Variants in PTBP2 observed in about 807,000 individuals in gnomAD.
PTBP2 encodes the protein polypyrimidine tract-binding protein 2.
Under a neutral mutation model 61.4 loss-of-function variants are expected in PTBP2, and 13 were observed. The ratio of observed to expected loss-of-function variants is 0.21; its 90% confidence interval spans 0.14 to 0.34. The LOEUF is 0.34. Ranked by LOEUF, PTBP2 falls within the 10% of genes least tolerant of loss-of-function variation. PTBP2 has a pLI of 1.00. For synonymous variants in PTBP2, 215 were observed against 218.5 expected (o/e 0.98, Z 0.14); for missense variants, 405 against 642.6 (o/e 0.63, Z 4.00).
chr1:96,791,833 T>TTGTTTTTG (rs796100749), intron 8 of PTBP2, among the ~76,000 whole-genome samples: 8 of 131,478 alleles, frequency 6.1e-5, no homozygotes, highest in Admixed American at 3.8e-4. Flanking sequence ...GTGCTTTTTT[T>TTGTTTTTG]TTTTTTTTTT....
At chr1:96,810,245 C>A (rs115712961) in intron 11 of PTBP2, among the ~76,000 whole-genome samples, 2 of 152,016 alleles carry the variant, frequency 1.3e-5, no homozygotes, top group African/African-American at 4.8e-5. Context: ...TTGCCTTGTC[C>A]ATTTATGCCA....
chr1:96,800,524 G>C (rs1435509165), intron 8 of PTBP2, among the ~76,000 whole-genome samples: 1 of 151,640 alleles, frequency 6.6e-6, no homozygotes, highest in Non-Finnish European at 1.5e-5. Context: ...TGGAGGCCAG[G>C]AGTTTGAGAC....
chr1:96,793,441 C>T (rs1660057854), intron 8 of PTBP2, among the ~76,000 whole-genome samples: 1 of 152,052 alleles, frequency 6.6e-6, no homozygotes, highest in African/African-American at 2.4e-5. Flanking sequence ...GGGATCTCTG[C>T]TCACTGCAAG....
At position 96,813,797 on chromosome 1, in the gene PTBP2, A is replaced by G. The variant is rs1057048563; in HGVS notation, c.*392A>G. On this transcript the variant is annotated 3_prime_UTR_variant, in exon 14 of 14. Transcript: ENST00000674951. ...GGCACACTGTTATATGGGAATTAAA[A>G]TATGTTTAGGCAGGGGTGTGTAAAA... 5 of 154,954 alleles carry G rather than the reference A, an allele frequency of 3.2e-5. No homozygotes were observed. The highest frequency in any genetic ancestry group is 1.2e-4 in the African/African-American group (5 of 41,500). The allele number at this position is 154,954 out of a possible 1,614,324, so 9.6% of individuals were successfully genotyped here.
intron 7 of PTBP2, among the ~76,000 whole-genome samples, chr1:96,781,381 C>G (rs983102784): frequency 6.6e-6 from 1 of 151,968 alleles, no homozygotes; most frequent in African/African-American, 2.4e-5. Context: ...AGTCCACAGT[C>G]CTTATCATGG....
At position 96,769,661 on chromosome 1, in the gene PTBP2, TTTA is replaced by T. The variant is rs1329125261; in HGVS notation, c.116-39_116-37del. The T allele has an allele frequency of 3.0e-6, 4 of 1,335,610 alleles. No homozygotes were observed. In the African/African-American group the frequency reaches 4.5e-5, roughly 15 times the overall value. 82.7% of individuals were successfully genotyped at this position (1,335,610 alleles called of 1,614,324 possible). A position where few individuals can be genotyped will look rare whatever the true frequency, so the allele number is the denominator to read the frequency against. On this transcript the variant is annotated intron_variant, in intron 3 of 13. Transcript: ENST00000674951. The stretch of plus-strand genomic sequence containing the variant: ...ACAAATAGGAAAATTCATACATTCT[TTTA>T]TTGTTGATATATAAGGACTGTTTTT...
At chr1:96,760,669 T>C in intron 3 of PTBP2, among the ~76,000 whole-genome samples, 1 of 152,070 alleles carries the variant, frequency 6.6e-6, no homozygotes, top group East Asian at 1.9e-4. Context: ...ATGGTCTTGC[T>C]CTCTTGACGT....
chr1:96,783,462 C>T (rs770756702), intron 7 of PTBP2, among the ~76,000 whole-genome samples: 26 of 151,966 alleles, frequency 1.7e-4, no homozygotes, highest in Non-Finnish European at 3.1e-4. Flanking sequence ...ATTTGGCAGT[C>T]GGACCTCAGT....
intron 2 of PTBP2, among the ~76,000 whole-genome samples, chr1:96,733,021 CTTT>C (rs35353502): frequency 1.4e-4 from 20 of 139,426 alleles, no homozygotes; most frequent in Non-Finnish European, 7.7e-5. Context: ...TTCTTTCTTT[CTTT>C]TTTTTTTTTT....
rs769416547 is a variant in PTBP2 at position 96,806,475 on chromosome 1, C to T, written c.1078+23C>T. On this transcript the variant is annotated intron_variant, in intron 10 of 13. Transcript: ENST00000674951. ...TCGGTATGTTATTGTTAGCACTATA[C>T]TTTTATTATTGATTTGATTTTTGTT... 18 of 1,596,668 alleles carry T rather than the reference C, an allele frequency of 1.1e-5. No homozygotes were observed. In the East Asian group the frequency reaches 4.0e-4, roughly 36 times the overall value.
rs199724667 is a variant in PTBP2 at position 96,804,785 on chromosome 1, G to C, written c.905-15G>C. ...AAAATATGCTTTATTTTAAAATTAG[G>C]GCTTCCTGTTGCAGCTGTTCCAGGA... On this transcript the variant is annotated splice_polypyrimidine_tract_variant and intron_variant, in intron 8 of 13. Coordinates refer to ENST00000674951, the MANE Select transcript of PTBP2 (RefSeq NM_021190.4). 1.3e-6 allele frequency: 2 copies of C among 1,583,468 alleles called. No homozygotes were observed. The highest frequency in any genetic ancestry group is 1.4e-5 in the African/African-American group (1 of 73,204).
At chr1:96,771,757 T>G (rs985496088) in intron 5 of PTBP2, among the ~76,000 whole-genome samples, 2 of 152,174 alleles carry the variant, frequency 1.3e-5, no homozygotes, top group African/African-American at 4.8e-5. Flanking sequence ...AAATAATTGT[T>G]TATACTTATG....
downstream of PTBP2, chr1:96,819,772 G>T (rs930651453): frequency 4.0e-5 from 6 of 151,284 alleles, no homozygotes; most frequent in African/African-American, 9.7e-5. Flanking sequence ...GTTCCAGATG[G>T]TTGAAATCAC....
At chr1:96,801,047 G>A (rs978481439) in intron 8 of PTBP2, among the ~76,000 whole-genome samples, 1 of 151,966 alleles carries the variant, frequency 6.6e-6, no homozygotes, top group African/African-American at 2.4e-5. Flanking sequence ...GGCACGGTAG[G>A]GTTGTATCTC....
chr1:96,759,530 A>C (rs1655553627), intron 3 of PTBP2, among the ~76,000 whole-genome samples: 3 of 152,196 alleles, frequency 2.0e-5, no homozygotes. Context: ...CTTAAACCCT[A>C]CATCATTCTG....
At chr1:96,723,953 GTTT>G (rs1263429045) in intron 2 of PTBP2, among the ~76,000 whole-genome samples, 1 of 152,094 alleles carries the variant, frequency 6.6e-6, no homozygotes, top group African/African-American at 2.4e-5. Flanking sequence ...GTTAATCTAA[GTTT>G]TTTGTTTTTT....
chr1:96,791,474 TAGAA>T (rs1659785543), intron 8 of PTBP2, among the ~76,000 whole-genome samples: 3 of 152,278 alleles, frequency 2.0e-5, no homozygotes, highest in Middle Eastern at 6.8e-3. Context: ...AACCAGAGCT[TAGAA>T]AGAACAAAAA....
At chr1:96,734,165 T>G (rs1004561975) in intron 2 of PTBP2, among the ~76,000 whole-genome samples, 1 of 152,206 alleles carries the variant, frequency 6.6e-6, no homozygotes, top group African/African-American at 2.4e-5. Flanking sequence ...AATAGTATCA[T>G]GAACCATTGT....
chr1:96,759,056 C>G (rs1272963147), intron 3 of PTBP2, among the ~76,000 whole-genome samples: 1 of 151,956 alleles, frequency 6.6e-6, no homozygotes, highest in Non-Finnish European at 1.5e-5. Context: ...AAGTATCAGA[C>G]AAAATATCAG....
Sources: allele counts gnomAD v4.1 joint callset (sites outside exome capture counted in the v4.1 genomes callset), GRCh38; gene constraint gnomAD v4.1.1; transcripts MANE v1.5; gene names NCBI Gene and HGNC (gene_info 2026-07-23, HGNC 2026-07-21).